USH1C: variants seen among roughly 807,000 people sequenced by gnomAD.
USH1C encodes USH1 protein network component harmonin.
A neutral mutation model predicts 119.3 loss-of-function variants in USH1C; 90 were observed. The observed-to-expected ratio is 0.75, with a 90% CI of 0.64 to 0.90. USH1C has a LOEUF of 0.90. Ranked by LOEUF, USH1C falls within the 40% of genes least tolerant of loss-of-function variation. The probability of loss-of-function intolerance (pLI) is 0.00; values close to 1 mark genes in which losing one functional copy is unlikely to be tolerated. For synonymous variants in USH1C, 465 were observed against 443.3 expected, an observed-to-expected ratio of 1.05 and a Z score of -0.62; for missense variants, 1,165 against 1,167.7, an observed-to-expected ratio of 1.00 and a Z score of 0.03.
intron 14 of USH1C, among the ~76,000 whole-genome samples, chr11:17,519,029 A>C (rs1324410928): frequency 1.3e-5 from 2 of 151,916 alleles, no homozygotes; most frequent in African/African-American, 4.8e-5. Context: ...CTCAAGAAAA[A>C]AAAAAAAGCA....
At chr11:17,528,424 T>C (rs1850809362) in intron 4 of USH1C, among the ~76,000 whole-genome samples, 1 of 152,238 alleles carries the variant, frequency 6.6e-6, no homozygotes, top group Non-Finnish European at 1.5e-5. Flanking sequence ...CAGCTGAAGC[T>C]GAAGCCCAAG....
chr11:17,524,119 A>C (rs1229453401), intron 9 of USH1C, among the ~76,000 whole-genome samples: 1 of 152,174 alleles, frequency 6.6e-6, no homozygotes, highest in Non-Finnish European at 1.5e-5. Context: ...TAAAGTGGGG[A>C]TAATGGTGGT....
chr11:17,543,640 G>A (rs12273896), intron 1 of USH1C, among the ~76,000 whole-genome samples: 17,304 of 152,116 alleles, frequency 0.11, 1,103 homozygotes, highest in South Asian at 0.26. Flanking sequence ...GACACACCAG[G>A]GTGGACCCGG....
intron 1 of USH1C, chr11:17,533,831 T>C (rs1345672376): frequency 1.3e-5 from 6 of 448,980 alleles, no homozygotes; most frequent in Non-Finnish European, 2.3e-5. Context: ...TTCTGTAACA[T>C]CAGTGCCAGG....
At position 17,520,754 on chromosome 11, in the gene USH1C, G is replaced by A. The variant is rs980048026; in HGVS notation, c.1210+116C>T. On this transcript the variant is annotated intron_variant, in intron 14 of 26. Coordinates refer to ENST00000005226, the MANE Select transcript of USH1C (RefSeq NM_153676.4). ...TGACCCACAGCTGCCCCTCCATGAA[G>A]GAACCACAGCCCAGAGCACCAAGGG... The A allele has an allele frequency of 2.3e-6, 3 of 1,304,266 alleles. No homozygotes were observed. The Admixed American group carries it at 5.1e-5, about 22-fold the overall frequency. 80.8% of individuals were successfully genotyped at this position (1,304,266 alleles called of 1,614,324 possible).
At chr11:17,496,147 G>C (rs1019127040) in intron 25 of USH1C, among the ~76,000 whole-genome samples, 1 of 150,804 alleles carries the variant, frequency 6.6e-6, no homozygotes, top group Non-Finnish European at 1.5e-5. Flanking sequence ...GGAAGGAGGG[G>C]GGCAGATAAG....
At chr11:17,518,794 C>G (rs1057394160) in intron 14 of USH1C, among the ~76,000 whole-genome samples, 9 of 152,110 alleles carry the variant, frequency 5.9e-5, no homozygotes, top group African/African-American at 1.9e-4. Flanking sequence ...TGGAGACGGG[C>G]AGATCACCTG....
At position 17,510,237 on chromosome 11, in the gene USH1C, TC is replaced by T. The variant is rs370987807; in HGVS notation, c.1530+167del. ...GAGTATACCCAGAAATACAGACATATCCCTCCTCCTCAAGAGGGGAGTGGGG... is the reference window on the plus strand; with the variant it reads ...GAGTATACCCAGAAATACAGACATATCCTCCTCCTCAAGAGGGGAGTGGGG... On this transcript the variant is annotated intron_variant, in intron 17 of 26. Coordinates refer to ENST00000005226, the MANE Select transcript of USH1C (RefSeq NM_153676.4). Among the ~76,000 whole-genome samples the T allele has an allele frequency of 4.6e-3, 707 of 152,108 alleles. 4 individuals are homozygous for T. Among genetic ancestry groups the T allele is most frequent in the African/African-American group, 0.016 (666 of 41,478 alleles).
At chr11:17,520,357 C>A (rs1384864693) in intron 14 of USH1C, among the ~76,000 whole-genome samples, 1 of 152,122 alleles carries the variant, frequency 6.6e-6, no homozygotes, top group Non-Finnish European at 1.5e-5. Flanking sequence ...CCTGTTCCTG[C>A]CTCCATCCTT....
intron 1 of USH1C, among the ~76,000 whole-genome samples, chr11:17,542,010 T>G (rs1851489993): frequency 6.6e-6 from 1 of 152,146 alleles, no homozygotes; most frequent in African/African-American, 2.4e-5. Context: ...AACATGGACA[T>G]TTCTTGAGAG....
Position 17,500,960 on chromosome 11 carries a change from C to A in USH1C, c.2380+91G>T, listed in dbSNP as rs541087190. 2.8e-6 allele frequency: 3 copies of A among 1,059,642 alleles called. No homozygotes were observed. In the South Asian group the frequency reaches 4.0e-5, roughly 14 times the overall value. The allele number at this position is 1,059,642 out of a possible 1,614,324, so 65.6% of individuals were successfully genotyped here. The stretch of plus-strand genomic sequence containing the variant: ...GGGCATTCTCCAGCAACCGTCAGCC[C>A]ACTCCAAGTGGTCACCTGTTTGCTT... On this transcript the variant is annotated intron_variant, in intron 23 of 26. Coordinates refer to ENST00000005226, the MANE Select transcript of USH1C (RefSeq NM_153676.4).
rs1449050882 is a variant in USH1C, at chr11:17,531,894, G to C, written c.105-352C>G. Among the ~76,000 whole-genome samples the C allele has an allele frequency of 1.3e-5, 2 of 152,150 alleles. 1 individual carries two copies. The highest frequency in any genetic ancestry group is 4.1e-4 in the South Asian group (2 of 4,826). On this transcript the variant is annotated intron_variant, in intron 2 of 26. Coordinates refer to ENST00000005226, the MANE Select transcript of USH1C (RefSeq NM_153676.4). This position sits in a 1 kb window ranked among gnomAD's most constrained non-coding sequence, Gnocchi z 4.2. ...CCTCACACACTCATCATCTCCACTC[G>C]TATCTGCTGCTAAGCTCTGTCAATT...
chr11:17,493,992 GGA>G lies in USH1C; in HGVS notation c.*338_*339del, dbSNP rs544424548. The G allele has an allele frequency of 1.3e-4, 53 of 406,070 alleles. No homozygotes were observed. Among genetic ancestry groups the G allele is most frequent in the Middle Eastern group, 1.5e-3 (2 of 1,358 alleles). 25.2% of individuals were successfully genotyped at this position (406,070 alleles called of 1,614,324 possible). ...AGAGCAGAGGGCAGAGGAGAGGGATGGAGAGAGAGAGACTCCAGTGGGGTCTT... is the reference window on the plus strand; with the variant it reads ...AGAGCAGAGGGCAGAGGAGAGGGATGGAGAGAGAGACTCCAGTGGGGTCTT... On this transcript the variant is annotated 3_prime_UTR_variant, in exon 27 of 27. Transcript: ENST00000005226.
chr11:17,500,369 T>C (rs1320632302), intron 23 of USH1C, among the ~76,000 whole-genome samples: 1 of 152,126 alleles, frequency 6.6e-6, no homozygotes, highest in Non-Finnish European at 1.5e-5. Flanking sequence ...TACTTTAACC[T>C]CTCTGAGCCT....
chr11:17,504,317 G>A (rs577259148), intron 20 of USH1C, among the ~76,000 whole-genome samples: 3 of 152,198 alleles, frequency 2.0e-5, no homozygotes, highest in South Asian at 2.1e-4. Context: ...GGGCTGGAGC[G>A]AGGGCCCATC....
chr11:17,525,701 C>T (rs116240027), intron 8 of USH1C, among the ~76,000 whole-genome samples: 3,845 of 152,240 alleles, frequency 0.025, 167 homozygotes, highest in African/African-American at 0.087. Context: ...TTAAGGAAGC[C>T]AACAAGTTAA....
At chr11:17,518,702 C>T (rs180892480) in intron 14 of USH1C, among the ~76,000 whole-genome samples, 2 of 152,246 alleles carry the variant, frequency 1.3e-5, no homozygotes, top group East Asian at 3.9e-4. Flanking sequence ...TAAGAGATGC[C>T]CCATGCTCTT....
intron 12 of USH1C, 47 bp downstream of exon 12, chr11:17,522,737 G>T (rs781301009): frequency 1.2e-6 from 2 of 1,612,868 alleles, no homozygotes; most frequent in South Asian, 2.2e-5. Context: ...GGGGTCGTGT[G>T]GTGGGGTGGG....
chr11:17,531,326 T>C lies in USH1C; in HGVS notation c.249-34A>G, dbSNP rs755765003. 1 of 1,614,084 alleles carries C rather than the reference T, an allele frequency of 6.2e-7. No homozygotes were observed. The highest frequency in any genetic ancestry group is 1.1e-5 in the South Asian group (1 of 91,074). ...CAGGAGAGGTCGGTGATGGTGCAGC[T>C]TGGCTGCCAGCACTGCCCCGCCCAG... On this transcript the variant is annotated intron_variant, in intron 3 of 26. Transcript: ENST00000005226. This position sits in a 1 kb window ranked among gnomAD's most constrained non-coding sequence, Gnocchi z 4.2.
Sources: gnomAD v4.1 joint callset for allele counts (sites outside exome capture counted in the v4.1 genomes callset) on GRCh38, gnomAD v4.1.1 for gene constraint, Gnocchi (gnomAD v3.1) non-coding constraint, MANE v1.5 for transcripts, NCBI Gene and HGNC (gene_info 2026-07-23, HGNC 2026-07-21) for gene names.